NALCN: variants seen among roughly 807,000 people sequenced by gnomAD.
NALCN encodes the protein sodium leak channel NALCN.
Under a neutral mutation model 225.3 loss-of-function variants are expected in NALCN, and 111 were observed. The ratio of observed to expected loss-of-function variants is 0.49; its 90% CI spans 0.42 to 0.58. NALCN has a LOEUF of 0.58. Among genes scored for constraint, NALCN ranks in the 20% least tolerant of loss-of-function variants. NALCN has a pLI of 0.00. For synonymous variants in NALCN, 764 were observed against 769.0 expected (o/e 0.99, Z 0.11); for missense variants, 1,378 against 2,202.4 (o/e 0.63, Z 7.49).
chr13:101,258,141 A>G (rs1014987096), intron 11 of NALCN, among the ~76,000 whole-genome samples: 2 of 152,126 alleles, frequency 1.3e-5, no homozygotes, highest in Non-Finnish European at 2.9e-5. Context: ...ATGTACGCTG[A>G]GAAAGGGAGA....
intron 15 of NALCN, among the ~76,000 whole-genome samples, chr13:101,174,227 C>T (rs993784910): frequency 6.6e-6 from 1 of 152,094 alleles, no homozygotes; most frequent in Non-Finnish European, 1.5e-5. Context: ...GTAAAAAGTA[C>T]TAACAAAAAT....
chr13:101,340,083 C>T lies in NALCN; in HGVS notation c.799+5183G>A, dbSNP rs536556507. 1.4e-4 allele frequency among the ~76,000 whole-genome samples: 22 copies of T among 151,766 alleles called. No homozygotes were observed. In the East Asian group the frequency reaches 2.0e-3, roughly 14 times the overall value. ...GAGATCGAGACCCTCCTGGCTAACA[C>T]GGTGAAACTCCGTCTCTACTAAAAA... On this transcript the variant is annotated intron_variant, in intron 7 of 43. Coordinates refer to ENST00000251127, the MANE Select transcript of NALCN (RefSeq NM_052867.4).
intron 18 of NALCN, among the ~76,000 whole-genome samples, chr13:101,122,314 T>G (rs2036017735): frequency 6.6e-6 from 1 of 152,206 alleles, no homozygotes; most frequent in Non-Finnish European, 1.5e-5. Context: ...AGGTTTTTTA[T>G]TTTTTCAAAT....
intron 6 of NALCN, among the ~76,000 whole-genome samples, chr13:101,354,900 C>T (rs566657348): frequency 1.3e-5 from 2 of 152,224 alleles, no homozygotes; most frequent in African/African-American, 2.4e-5. Context: ...CAAATCTCAT[C>T]GAAGTATACT....
At chr13:101,300,995 CAT>C (rs1332128859) in intron 7 of NALCN, among the ~76,000 whole-genome samples, 30 of 152,202 alleles carry the variant, frequency 2.0e-4, no homozygotes, top group African/African-American at 6.8e-4. Context: ...AAACCATACA[CAT>C]GTTTACATAT....
At chr13:101,214,143 T>C (rs1386621672) in intron 13 of NALCN, among the ~76,000 whole-genome samples, 1 of 152,072 alleles carries the variant, frequency 6.6e-6, no homozygotes, top group Non-Finnish European at 1.5e-5. Context: ...ATGTCCTTTG[T>C]AGGGACATGG....
chr13:101,312,987 T>C (rs971761143), intron 7 of NALCN, among the ~76,000 whole-genome samples: 15 of 152,126 alleles, frequency 9.9e-5, no homozygotes, highest in African/African-American at 3.4e-4. Context: ...AACAGAGATA[T>C]AGATCAATGG....
intron 27 of NALCN, among the ~76,000 whole-genome samples, chr13:101,100,060 T>C (rs2139594705): frequency 6.6e-6 from 1 of 152,250 alleles, no homozygotes; most frequent in East Asian, 1.9e-4. Flanking sequence ...GTAGTGCAAG[T>C]ATTCAAGTTT....
At chr13:101,195,308 C>T (rs1054509854) in intron 13 of NALCN, among the ~76,000 whole-genome samples, 1 of 152,192 alleles carries the variant, frequency 6.6e-6, no homozygotes, top group Non-Finnish European at 1.5e-5. Context: ...AATAAGAAAA[C>T]CCATCTTTTA....
chr13:101,116,910 T>C (rs1453034286), intron 18 of NALCN: 4 of 508,824 alleles, frequency 7.9e-6, no homozygotes, highest in African/African-American at 1.9e-5. Flanking sequence ...TTCCTGGAAA[T>C]GGCTCTTACC....
At chr13:101,345,892 T>C (rs2045711007) in intron 6 of NALCN, among the ~76,000 whole-genome samples, 1 of 140,758 alleles carries the variant, frequency 7.1e-6, no homozygotes, top group African/African-American at 2.6e-5. Flanking sequence ...TACCACACAC[T>C]TTGAAATATA....
chr13:101,134,125 G>A (rs928462860), intron 17 of NALCN, among the ~76,000 whole-genome samples: 4 of 152,094 alleles, frequency 2.6e-5, no homozygotes, highest in South Asian at 2.1e-4. Flanking sequence ...AGCTGAGATC[G>A]CGCCACTGCA....
intron 13 of NALCN, among the ~76,000 whole-genome samples, chr13:101,202,152 T>G (rs1472595256): frequency 2.6e-5 from 4 of 152,184 alleles, no homozygotes; most frequent in Non-Finnish European, 5.9e-5. Flanking sequence ...TGCTTTTATT[T>G]AAAACTTAAT....
intron 15 of NALCN, among the ~76,000 whole-genome samples, chr13:101,169,877 C>T (rs190405138): frequency 6.6e-6 from 1 of 152,346 alleles, no homozygotes. Flanking sequence ...TTTGCTCCTG[C>T]AGCAGTTATA....
At chr13:101,260,950 G>A (rs1374898206) in intron 10 of NALCN, among the ~76,000 whole-genome samples, 4 of 152,136 alleles carry the variant, frequency 2.6e-5, no homozygotes, top group Non-Finnish European at 5.9e-5. Context: ...TCTTTGCCCA[G>A]TCCAATGTCC....
At chr13:101,060,818 C>T (rs1276473644) in intron 41 of NALCN, among the ~76,000 whole-genome samples, 1 of 152,128 alleles carries the variant, frequency 6.6e-6, no homozygotes, top group Admixed American at 6.5e-5. Flanking sequence ...AGCCAGGACT[C>T]CTTGTGCCCT....
chr13:101,219,994 A>G (rs1399300461), intron 13 of NALCN, among the ~76,000 whole-genome samples: 1 of 152,056 alleles, frequency 6.6e-6, no homozygotes, highest in Non-Finnish European at 1.5e-5. Flanking sequence ...GTCACCTAAG[A>G]CTACACACCT....
chr13:101,131,260 C>T (rs1594271258), intron 17 of NALCN, among the ~76,000 whole-genome samples: 1 of 152,058 alleles, frequency 6.6e-6, no homozygotes, highest in Admixed American at 6.6e-5. Flanking sequence ...ACAGTTTGAG[C>T]TGGTTAGAGC....
chr13:101,102,247 C>T (rs1238182427), intron 26 of NALCN, among the ~76,000 whole-genome samples: 1 of 151,560 alleles, frequency 6.6e-6, no homozygotes, highest in African/African-American at 2.4e-5. Context: ...TGCGCCATTG[C>T]ACTCCAGCCT....
Sources: gnomAD v4.1 joint callset for allele counts (sites outside exome capture counted in the v4.1 genomes callset) on GRCh38, gnomAD v4.1.1 for gene constraint, MANE v1.5 for transcripts, NCBI Gene and HGNC (gene_info 2026-07-23, HGNC 2026-07-21) for gene names.